ADGRV1: variants seen among roughly 807,000 people sequenced by gnomAD.
ADGRV1 encodes the protein adhesion G protein-coupled receptor V1.
ADGRV1 carries 359 observed loss-of-function variants against 596.2 expected under a neutral mutation model. The observed-to-expected ratio is 0.60, with a 90% CI of 0.55 to 0.66. The LOEUF is 0.66. Among genes scored for constraint, ADGRV1 ranks in the 30% least tolerant of loss-of-function variants. The pLI is 0.00. For synonymous variants in ADGRV1, 2,681 were observed against 2,679.2 expected, an observed-to-expected ratio of 1.00 and a Z score of -0.02; for missense variants, 7,274 against 7,575.6, an observed-to-expected ratio of 0.96 and a Z score of 1.48.
chr5:90,875,084 G>T (rs1178017519), intron 83 of ADGRV1, among the ~76,000 whole-genome samples: 2 of 152,142 alleles, frequency 1.3e-5, no homozygotes, highest in East Asian at 3.9e-4. Flanking sequence ...GAAGGCTGAG[G>T]CTAGAGGATC....
intron 1 of ADGRV1, among the ~76,000 whole-genome samples, chr5:90,564,625 AT>A (rs1206428975): frequency 0.12 from 3,888 of 33,622 alleles, 748 homozygotes; most frequent in African/African-American, 0.29. Flanking sequence ...ATATATATAT[AT>A]TTTTTTTTTT....
chr5:91,030,965 G>GA, intron 85 of ADGRV1: 4 of 1,235,980 alleles, frequency 3.2e-6, no homozygotes, highest in Middle Eastern at 2.9e-4. Flanking sequence ...GTAATCAAAG[G>GA]AAAAAACGTC....
At position 90,733,305 on chromosome 5, in the gene ADGRV1, T is replaced by C. The variant is rs1580923658; in HGVS notation, c.10549+3541T>C. On this transcript the variant is annotated intron_variant, in intron 50 of 89. Transcript: ENST00000405460. ...TCTGTAGTGGGAAATGTGATGAACT[T>C]GTTTATAGGTGTCTTTAGTTTGAGA... Among the ~76,000 whole-genome samples, 6 of 152,150 alleles carry C rather than the reference T, an allele frequency of 3.9e-5. No homozygotes were observed. The South Asian group carries it at 1.2e-3, about 32-fold the overall frequency.
intron 31 of ADGRV1, 129 bp downstream of exon 31, chr5:90,691,170 A>G: frequency 1.7e-6 from 2 of 1,195,996 alleles, no homozygotes; most frequent in East Asian, 4.7e-5. Context: ...TGTTCAAACT[A>G]TGCTAGTGTG....
chr5:90,891,771 T>A (rs1015094799), intron 83 of ADGRV1, among the ~76,000 whole-genome samples: 34 of 151,906 alleles, frequency 2.2e-4, no homozygotes, highest in Admixed American at 7.2e-4. Flanking sequence ...TTATTGACAA[T>A]GAAGGGAAGC....
intron 85 of ADGRV1, among the ~76,000 whole-genome samples, chr5:91,036,771 T>TTTTTAAA (rs1784950746): frequency 6.6e-6 from 1 of 152,102 alleles, no homozygotes; most frequent in African/African-American, 2.4e-5. Flanking sequence ...TATGTTAAAG[T>TTTTTAAA]AGTGATTACC....
intron 89 of ADGRV1, among the ~76,000 whole-genome samples, chr5:91,154,998 G>T (rs1006716173): frequency 6.6e-6 from 1 of 152,094 alleles, no homozygotes; most frequent in African/African-American, 2.4e-5. Flanking sequence ...TTTGGGTGGG[G>T]ACACAGCCAA....
At chr5:91,103,316 A>G (rs1791556781) in intron 87 of ADGRV1, among the ~76,000 whole-genome samples, 1 of 152,078 alleles carries the variant, frequency 6.6e-6, no homozygotes, top group South Asian at 2.1e-4. Context: ...CTGTGGTTAT[A>G]GTTACAGGTG....
At chr5:91,060,419 G>A (rs539735166) in intron 85 of ADGRV1, among the ~76,000 whole-genome samples, 6 of 148,752 alleles carry the variant, frequency 4.0e-5, no homozygotes, top group East Asian at 2.0e-4. Context: ...TAATAGAGAC[G>A]AGGTTTCACC....
intron 71 of ADGRV1, 54 bp downstream of exon 71, chr5:90,802,936 C>T (rs1761530862): frequency 6.8e-7 from 1 of 1,466,462 alleles, no homozygotes; most frequent in African/African-American, 1.4e-5. Flanking sequence ...GCAGCTTTTA[C>T]AGGAAGGACG....
intron 83 of ADGRV1, among the ~76,000 whole-genome samples, chr5:90,865,364 G>T (rs1013680476): frequency 5.9e-5 from 9 of 152,096 alleles, no homozygotes; most frequent in African/African-American, 2.2e-4. Flanking sequence ...AGCAGAATTT[G>T]TACAAGACTT....
At chr5:90,829,246 A>G (rs1764327945) in intron 77 of ADGRV1, 60 bp downstream of exon 77, 1 of 1,269,862 alleles carries the variant, frequency 7.9e-7, no homozygotes, top group Non-Finnish European at 1.0e-6. Flanking sequence ...CTACAGCAAG[A>G]GTAATGACAT....
intron 50 of ADGRV1, among the ~76,000 whole-genome samples, chr5:90,738,871 A>T (rs1387353176): frequency 6.6e-6 from 1 of 152,136 alleles, no homozygotes; most frequent in East Asian, 1.9e-4. Context: ...CAGTATTTTT[A>T]AAAATAATGA....
rs114612963 is a variant in ADGRV1 at position 90,674,341 on chromosome 5, C to T, written c.5110+107C>T. 15,684 of 659,838 alleles carry T rather than the reference C, an allele frequency of 0.024. 353 individuals carry two copies. Among genetic ancestry groups the T allele is most frequent in the Non-Finnish European group, 0.024 (10,173 of 420,046 alleles). The allele number at this position is 659,838 out of a possible 1,614,324, so 40.9% of individuals were successfully genotyped here. Reference sequence around the variant, plus strand: ...GCAAATGACGGAAGTAGAATGCCTTCAGACCTCCTAATTTCTAAACTCTTT... The same window carrying T: ...GCAAATGACGGAAGTAGAATGCCTTTAGACCTCCTAATTTCTAAACTCTTT... On this transcript the variant is annotated intron_variant, in intron 23 of 89. Coordinates refer to ENST00000405460, the MANE Select transcript of ADGRV1 (RefSeq NM_032119.4).
chr5:90,724,444 G>T (rs1751495746), intron 45 of ADGRV1, among the ~76,000 whole-genome samples: 1 of 151,982 alleles, frequency 6.6e-6, no homozygotes, highest in South Asian at 2.1e-4. Flanking sequence ...GGCCAGGCTG[G>T]TCTCAAACTC....
chr5:90,715,572 T>G (rs778624257), intron 42 of ADGRV1, among the ~76,000 whole-genome samples: 11 of 152,206 alleles, frequency 7.2e-5, no homozygotes, highest in Non-Finnish European at 1.3e-4. Flanking sequence ...TAAAATTTTG[T>G]GATTTTCTTC....
rs1767004124 is a variant in ADGRV1 at position 90,856,148 on chromosome 5, TA to T, written c.17755+248del. Among the ~76,000 whole-genome samples, 4 of 152,248 alleles carry T rather than the reference TA, an allele frequency of 2.6e-5. No individual in the cohort carries two copies. The South Asian group carries it at 8.3e-4, about 32-fold the overall frequency. ...CCCATAAAGAATATGTAATACAGTG[TA>T]GGATAGAAGCTAGATAATAGGTAAG... On this transcript the variant is annotated intron_variant, in intron 82 of 89. Transcript: ENST00000405460.
intron 87 of ADGRV1, among the ~76,000 whole-genome samples, chr5:91,133,741 C>T (rs887327272): frequency 6.6e-6 from 1 of 152,136 alleles, no homozygotes; most frequent in African/African-American, 2.4e-5. Context: ...TAAACTTTTG[C>T]GAATCCCACT....
chr5:90,627,368 A>G lies in ADGRV1; in HGVS notation c.830A>G (p.His277Arg), dbSNP rs376150952. The G allele has an allele frequency of 1.9e-6, 3 of 1,613,966 alleles. No individual in the cohort carries two copies. The highest frequency in any genetic ancestry group is 1.7e-6 in the Non-Finnish European group (2 of 1,179,850). Residue 277 changes from histidine (H) to arginine (R), a missense_variant, in exon 7 of 90, where the codon CAC becomes CGC. Physicochemically the swap from His to Arg is conservative, Grantham distance 29 (BLOSUM62 0). Around this residue, in one of 5 missense-constraint regions of ADGRV1, gnomAD observed 1,715 missense variants for 1,708.8 expected, o/e 1.00. Coordinates refer to ENST00000405460, the MANE Select transcript of ADGRV1 (RefSeq NM_032119.4). Reference protein sequence around the residue: ...QSIYLVPEEDHILIIPVVRGK... With the variant: ...QSIYLVPEEDRILIIPVVRGK... Reference sequence around the variant, plus strand: ...ATTTATTTGGTTCCTGAGGAAGACCACATACTCATAATTCCAGTAGTTCGT... The same window carrying G: ...ATTTATTTGGTTCCTGAGGAAGACCGCATACTCATAATTCCAGTAGTTCGT...
Sources: allele counts gnomAD v4.1 joint callset (sites outside exome capture counted in the v4.1 genomes callset), GRCh38; gene constraint gnomAD v4.1.1; regional missense constraint gnomAD v4.1.1; transcripts MANE v1.5; gene names NCBI Gene and HGNC (gene_info 2026-07-23, HGNC 2026-07-21).